The following COL9A1 variants were observed in gnomAD, a reference collection of about 807,000 sequenced individuals.
COL9A1 encodes collagen alpha-1(IX) chain.
In COL9A1, 104 loss-of-function variants were observed where a neutral mutation model predicts 142.6. The ratio of observed to expected loss-of-function variants is 0.73; its 90% confidence interval spans 0.62 to 0.86. The LOEUF (loss-of-function observed/expected upper bound fraction) is 0.86. Ranked by LOEUF, COL9A1 falls within the 40% of genes least tolerant of loss-of-function variation. The pLI, the probability that COL9A1 is intolerant of heterozygous loss-of-function variation, is 0.00. For missense variants in COL9A1, 1,210 were observed against 1,176.6 expected, an observed-to-expected ratio of 1.03 and a Z score of -0.42; for synonymous variants, 466 against 396.0, an observed-to-expected ratio of 1.18 and a Z score of -2.10.
chr6:70,278,256 T>G (rs1562321980), intron 10 of COL9A1, among the ~76,000 whole-genome samples: 1 of 152,208 alleles, frequency 6.6e-6, no homozygotes. Context: ...CGCTATTCTC[T>G]CTCATCTATT....
At chr6:70,236,420 G>C (rs1184406149) in intron 33 of COL9A1, among the ~76,000 whole-genome samples, 1 of 152,190 alleles carries the variant, frequency 6.6e-6, no homozygotes, top group South Asian at 2.1e-4. Context: ...TACTGCTGCT[G>C]TTCAGAATAA....
At position 70,291,227 on chromosome 6, in the gene COL9A1, A is replaced by G. The variant is rs928282159; in HGVS notation, c.696+2940T>C. ...TACCTTCAGTTTTCAAAAATGAGGA[A>G]CAAAATGGGAACACTAACAAAGCTT... is the stretch of plus-strand genomic sequence containing the variant. On this transcript the variant is annotated intron_variant, in intron 5 of 37. Coordinates refer to ENST00000357250, the MANE Select transcript of COL9A1 (RefSeq NM_001851.6). Among the ~76,000 whole-genome samples, 3 of 152,146 alleles carry G rather than the reference A, an allele frequency of 2.0e-5. No individual in the cohort carries two copies. The South Asian group carries it at 6.2e-4, about 32-fold the overall frequency.
At chr6:70,293,631 TCACACACACACACACACACACA>T (rs3222430) in intron 5 of COL9A1, among the ~76,000 whole-genome samples, 27 of 137,870 alleles carry the variant, frequency 2.0e-4, no homozygotes, top group African/African-American at 7.1e-4. Flanking sequence ...TCTCTCTCTT[TCACACACACACACACACACACA>T]CACACACACA....
chr6:70,274,685 C>T (rs1287866432), intron 11 of COL9A1, 34 bp downstream of exon 11: 20 of 1,556,624 alleles, frequency 1.3e-5, no homozygotes, highest in South Asian at 5.6e-5. Flanking sequence ...TCAGCATTTT[C>T]GTACTAGCAA....
intron 6 of COL9A1, chr6:70,283,133 G>C (rs1325190047): frequency 2.5e-5 from 38 of 1,533,088 alleles, no homozygotes; most frequent in Non-Finnish European, 3.2e-5. Context: ...CACTAGCATA[G>C]GTGGCACTTC....
intron 5 of COL9A1, among the ~76,000 whole-genome samples, chr6:70,290,023 T>C (rs1395749636): frequency 6.6e-6 from 1 of 152,178 alleles, no homozygotes; most frequent in Non-Finnish European, 1.5e-5. Flanking sequence ...CATTTGATAA[T>C]ATACTTTTTA....
At position 70,294,219 on chromosome 6, in the gene COL9A1, T is replaced by C; in HGVS notation, c.644A>G (p.Asp215Gly). Reference protein sequence around the residue: ...PIKPRGPIDIDGFAVLGKLAD... With the variant: ...PIKPRGPIDIGGFAVLGKLAD... The stretch of plus-strand genomic sequence containing the variant: ...AAGTTTTCCCAGCACAGCAAAGCCA[T>C]CAATGTCAATTGGGCCTCTTGGCTT... Residue 215 changes from aspartate (D) to glycine (G), a missense_variant, in exon 5 of 38, where the codon GAT becomes GGT. Coordinates refer to ENST00000357250, the MANE Select transcript of COL9A1 (RefSeq NM_001851.6). The C allele has an allele frequency of 6.2e-7, 1 of 1,614,092 alleles. No homozygotes were observed. The highest frequency in any genetic ancestry group is 1.1e-5 in the South Asian group (1 of 91,078).
At chr6:70,274,610 G>C in intron 11 of COL9A1, 109 bp downstream of exon 11, 1 of 881,188 alleles carries the variant, frequency 1.1e-6, no homozygotes, top group Non-Finnish European at 1.9e-6. Flanking sequence ...AGTTGAACGA[G>C]TGCATTTTAG....
intron 17 of COL9A1, among the ~76,000 whole-genome samples, chr6:70,267,761 CTG>C (rs1233174539): frequency 6.6e-6 from 1 of 152,200 alleles, no homozygotes; most frequent in African/African-American, 2.4e-5. Flanking sequence ...GGAGACAAAA[CTG>C]TGAGACAAGC....
intron 28 of COL9A1, among the ~76,000 whole-genome samples, chr6:70,243,021 A>G (rs1770364979): frequency 6.6e-6 from 1 of 152,168 alleles, no homozygotes; most frequent in Admixed American, 6.5e-5. Flanking sequence ...TTAAGCCCTC[A>G]CTTAGATTAT....
intron 37 of COL9A1, among the ~76,000 whole-genome samples, chr6:70,219,990 C>T (rs1411603606): frequency 6.6e-6 from 1 of 152,100 alleles, no homozygotes; most frequent in Admixed American, 6.6e-5. Flanking sequence ...TTTTACCTTG[C>T]TGAGTTTATT....
chr6:70,257,905 G>A (rs1771423272), intron 20 of COL9A1, among the ~76,000 whole-genome samples: 1 of 152,172 alleles, frequency 6.6e-6, no homozygotes, highest in African/African-American at 2.4e-5. Context: ...TGATTCAGAA[G>A]AATGAATTAC....
chr6:70,222,549 C>A (rs1370951021), intron 37 of COL9A1, among the ~76,000 whole-genome samples: 2 of 152,150 alleles, frequency 1.3e-5, no homozygotes, highest in Non-Finnish European at 2.9e-5. Context: ...AAGCAATGAG[C>A]ATTATGTCCC....
intron 31 of COL9A1, 73 bp downstream of exon 31, chr6:70,241,346 G>T: frequency 1.6e-6 from 2 of 1,212,702 alleles, no homozygotes; most frequent in Non-Finnish European, 2.5e-6. Flanking sequence ...CCATAAACCA[G>T]CCATTCCCCC....
At chr6:70,251,062 CA>C (rs1210095083) in intron 28 of COL9A1, among the ~76,000 whole-genome samples, 2 of 151,906 alleles carry the variant, frequency 1.3e-5, no homozygotes, top group Non-Finnish European at 1.5e-5. Flanking sequence ...TCATAACGGC[CA>C]AAAAATGGAA....
chr6:70,289,076 T>C (rs1773560342), intron 5 of COL9A1, among the ~76,000 whole-genome samples: 1 of 152,138 alleles, frequency 6.6e-6, no homozygotes, highest in African/African-American at 2.4e-5. Context: ...TCATTATTTG[T>C]GGCAATTCCC....
chr6:70,272,126 T>A, intron 12 of COL9A1, 38 bp from the exon 13 acceptor site: 2 of 1,556,398 alleles, frequency 1.3e-6, no homozygotes, highest in Non-Finnish European at 1.8e-6. Flanking sequence ...AGCTTGAGGT[T>A]TATACTTAGT....
Position 70,271,695 on chromosome 6 carries a change from G to A in COL9A1, c.1103C>T (p.Thr368Ile). 6.2e-7 allele frequency: 1 copy of A among 1,613,830 alleles called. No individual in the cohort carries two copies. The highest frequency in any genetic ancestry group is 8.5e-7 in the Non-Finnish European group (1 of 1,179,776). The part of the protein sequence containing the change: ...GIPGPPGPPG[T>I]AGLPGELGRV... ...GCCAAGCTCTCCAGGGAGTCCTGCT[G>A]TCCCAGGAGGACCCTGAAGTCAACA... is the stretch of plus-strand genomic sequence containing the variant. Residue 368 changes from threonine (T) to isoleucine (I), a missense_variant, in exon 14 of 38, where the codon ACA (threonine) becomes ATA (isoleucine). Transcript: ENST00000357250.
At chr6:70,283,307 C>T (rs1773294150) in intron 6 of COL9A1, 3 of 1,305,750 alleles carry the variant, frequency 2.3e-6, no homozygotes, top group Admixed American at 5.8e-5. Context: ...TCGCCCTTAA[C>T]CCCTTCCCTG....
Sources: gnomAD v4.1 joint callset for allele counts (sites outside exome capture counted in the v4.1 genomes callset) on GRCh38, gnomAD v4.1.1 for gene constraint, MANE v1.5 for transcripts, NCBI Gene and HGNC (gene_info 2026-07-23, HGNC 2026-07-21) for gene names.